The following ARHGEF11 variants were observed in gnomAD, a reference collection of about 807,000 sequenced individuals.
ARHGEF11 encodes Rho guanine nucleotide exchange factor 11.
In ARHGEF11, 55 loss-of-function variants were observed where a neutral mutation model predicts 193.7. The ratio of observed to expected loss-of-function variants is 0.28; its 90% CI spans 0.23 to 0.36. The LOEUF is 0.36. ARHGEF11 is among the 10% of genes least tolerant of loss of function. ARHGEF11 has a pLI of 1.00. For synonymous variants in ARHGEF11, 693 were observed against 768.0 expected (o/e 0.90, Z 1.62); for missense variants, 1,723 against 2,005.6 (o/e 0.86, Z 2.69).
intron 38 of ARHGEF11, 127 bp from the exon 39 acceptor site, chr1:156,937,623 A>C: frequency 9.8e-7 from 1 of 1,021,492 alleles, no homozygotes; most frequent in Non-Finnish European, 1.4e-6. Flanking sequence ...ACAAACTCAG[A>C]GAACGTGGGC....
chr1:156,941,833 A>T, intron 34 of ARHGEF11, 31 bp downstream of exon 34: 1 of 1,574,580 alleles, frequency 6.4e-7, no homozygotes, highest in Non-Finnish European at 8.6e-7. Flanking sequence ...GAGTGGAGAG[A>T]GTGCAGGGTC....
chr1:156,968,541 T>G (rs944799882), intron 10 of ARHGEF11, among the ~76,000 whole-genome samples: 11 of 145,258 alleles, frequency 7.6e-5, no homozygotes, highest in Non-Finnish European at 1.4e-4. Context: ...CTTGGTGACT[T>G]TCCCACATAC....
chr1:157,022,361 A>G (rs1321743131), intron 1 of ARHGEF11, among the ~76,000 whole-genome samples: 1 of 152,242 alleles, frequency 6.6e-6, no homozygotes, highest in Non-Finnish European at 1.5e-5. Flanking sequence ...ACAGAATTCA[A>G]TTGTATTTCT....
At chr1:156,994,390 G>GT (rs1203811309) in intron 1 of ARHGEF11, among the ~76,000 whole-genome samples, 3 of 25,468 alleles carry the variant, frequency 1.2e-4, no homozygotes, top group Non-Finnish European at 2.7e-4. Context: ...GTTTTATTGT[G>GT]TGTTTTTTTT....
At chr1:157,013,083 C>T (rs138241495) in intron 1 of ARHGEF11, among the ~76,000 whole-genome samples, 2 of 152,092 alleles carry the variant, frequency 1.3e-5, no homozygotes, top group East Asian at 3.9e-4. Flanking sequence ...TTCAGGTGGA[C>T]TCCTCATCTT....
At chr1:157,037,538 G>A (rs1051015560) in intron 1 of ARHGEF11, among the ~76,000 whole-genome samples, 1 of 152,214 alleles carries the variant, frequency 6.6e-6, no homozygotes, top group Admixed American at 6.5e-5. Flanking sequence ...AACCTTGCTC[G>A]TGTTGCTCCT....
At chr1:156,995,805 C>T (rs1055453179) in intron 1 of ARHGEF11, among the ~76,000 whole-genome samples, 12 of 151,554 alleles carry the variant, frequency 7.9e-5, no homozygotes, top group Non-Finnish European at 1.5e-4. Flanking sequence ...AGCCTCCCAA[C>T]GTGCTGGGAT....
intron 38 of ARHGEF11, among the ~76,000 whole-genome samples, chr1:156,937,848 G>A (rs1655822133): frequency 6.6e-6 from 1 of 152,214 alleles, no homozygotes; most frequent in African/African-American, 2.4e-5. Flanking sequence ...GAAAGGAGCA[G>A]GCAGCAGCCC....
At chr1:156,977,135 C>G (rs903046251) in intron 6 of ARHGEF11, 81 bp from the exon 7 acceptor site, 1 of 1,218,230 alleles carries the variant, frequency 8.2e-7, no homozygotes. Context: ...GGTTCCTGGG[C>G]AAGGACAGCT....
chr1:156,961,906 G>A (rs1023738112), intron 13 of ARHGEF11, 131 bp from the exon 14 acceptor site: 1 of 711,098 alleles, frequency 1.4e-6, no homozygotes, highest in Non-Finnish European at 2.5e-6. Flanking sequence ...GGTGCTACTG[G>A]CATCTAGTGG....
At chr1:157,025,113 A>G (rs937906121) in intron 1 of ARHGEF11, among the ~76,000 whole-genome samples, 9 of 152,236 alleles carry the variant, frequency 5.9e-5, no homozygotes, top group Non-Finnish European at 1.3e-4. Context: ...TTAATTGCCA[A>G]ATAAGACTTG....
At chr1:156,941,249 C>G in intron 35 of ARHGEF11, 123 bp downstream of exon 35, 1 of 862,638 alleles carries the variant, frequency 1.2e-6, no homozygotes, top group Non-Finnish European at 1.9e-6. Context: ...CTTCTCTACT[C>G]TTTATCAAAA....
At chr1:156,992,163 T>C (rs895726423) in intron 1 of ARHGEF11, among the ~76,000 whole-genome samples, 10 of 152,236 alleles carry the variant, frequency 6.6e-5, no homozygotes, top group Non-Finnish European at 1.3e-4. Context: ...CCTTGCTGTG[T>C]TTCTTCTTGT....
At chr1:157,013,259 T>TCTCTCACACACACACA (rs1553228459) in intron 1 of ARHGEF11, among the ~76,000 whole-genome samples, 6 of 109,576 alleles carry the variant, frequency 5.5e-5, no homozygotes, top group African/African-American at 1.4e-4. Flanking sequence ...CTCCCCACTA[T>TCTCTCACACACACACA]CACTCACACA....
chr1:157,016,738 A>G (rs1669285977), intron 1 of ARHGEF11, among the ~76,000 whole-genome samples: 1 of 152,172 alleles, frequency 6.6e-6, no homozygotes. Context: ...GCATGAGTTG[A>G]TAACTGTTGT....
intron 34 of ARHGEF11, 110 bp downstream of exon 34, chr1:156,941,754 C>A: frequency 6.9e-7 from 1 of 1,458,508 alleles, no homozygotes; most frequent in Non-Finnish European, 9.2e-7. Context: ...TCCCTGCTAG[C>A]ATTTCCCTGT....
rs1261439237 is a variant in ARHGEF11 at position 157,045,626 on chromosome 1, G to A, written c.-1296C>T. Among the ~76,000 whole-genome samples, 2 of 150,726 alleles carry A rather than the reference G, an allele frequency of 1.3e-5. No homozygotes were observed. The highest frequency in any genetic ancestry group is 4.9e-5 in the African/African-American group (2 of 41,148). On this transcript the variant is annotated 5_prime_UTR_variant, in exon 1 of 41. Coordinates refer to ENST00000368194, the MANE Select transcript of ARHGEF11 (RefSeq NM_198236.3). ...GGCCGGGCCTCGGGCTCCCGGCGCCGCTCGCCCCGCGCCCGACCGCCGTGT... is the reference window on the plus strand; with the variant it reads ...GGCCGGGCCTCGGGCTCCCGGCGCCACTCGCCCCGCGCCCGACCGCCGTGT...
chr1:157,038,970 T>C (rs1557996666), intron 1 of ARHGEF11, among the ~76,000 whole-genome samples: 1 of 152,040 alleles, frequency 6.6e-6, no homozygotes, highest in Non-Finnish European at 1.5e-5. Context: ...CAGTGAGCCA[T>C]GATCATGCCA....
Position 156,958,730 on chromosome 1 carries a change from TGAAA to T in ARHGEF11, c.1502+8_1502+11del. 1 of 1,614,088 alleles carries T rather than the reference TGAAA, an allele frequency of 6.2e-7. No individual in the cohort carries two copies. The highest frequency in any genetic ancestry group is 8.5e-7 in the Non-Finnish European group (1 of 1,180,008). On this transcript the variant is annotated splice_region_variant and intron_variant, in intron 17 of 40. Coordinates refer to ENST00000368194, the MANE Select transcript of ARHGEF11 (RefSeq NM_198236.3). ...GATGTTCAGTGGGGTGGGAGGAAGC[TGAAA>T]GACTCACAAAATATCTCCAAGGGCA...
Sources: gnomAD v4.1 joint callset for allele counts (sites outside exome capture counted in the v4.1 genomes callset) on GRCh38, gnomAD v4.1.1 for gene constraint, MANE v1.5 for transcripts, NCBI Gene and HGNC (gene_info 2026-07-23, HGNC 2026-07-21) for gene names.